MAPRE2: variants seen among roughly 807,000 people sequenced by gnomAD.
MAPRE2 encodes the protein microtubule associated protein RP/EB family member 2.
In MAPRE2, 13 loss-of-function variants were observed where a neutral mutation model predicts 43.2. The ratio of observed to expected loss-of-function variants is 0.30; its 90% CI spans 0.20 to 0.48. MAPRE2 has a LOEUF of 0.48. Ranked by LOEUF, MAPRE2 falls within the 20% of genes least tolerant of loss-of-function variation. The probability of loss-of-function intolerance (pLI) is 0.99; values close to 1 mark genes in which losing one functional copy is unlikely to be tolerated. For synonymous variants in MAPRE2, 135 were observed against 148.8 expected (o/e 0.91, Z 0.68); for missense variants, 161 against 400.2 (o/e 0.40, Z 5.10).
intron 2 of MAPRE2, among the ~76,000 whole-genome samples, chr18:35,077,229 A>T (rs939937771): frequency 8.8e-5 from 13 of 147,144 alleles, no homozygotes; most frequent in African/African-American, 2.8e-4. Flanking sequence ...TCTCTCACAG[A>T]TACGCGCGCG....
intron 2 of MAPRE2, among the ~76,000 whole-genome samples, chr18:35,083,181 C>G (rs1219430196): frequency 6.6e-6 from 1 of 152,110 alleles, no homozygotes; most frequent in African/African-American, 2.4e-5. Flanking sequence ...AAATTTAAGT[C>G]TTACCTTAAA....
chr18:35,100,737 A>G (rs530738655), intron 3 of MAPRE2, among the ~76,000 whole-genome samples: 50 of 152,288 alleles, frequency 3.3e-4, no homozygotes, highest in African/African-American at 1.2e-3. Context: ...TACATATTAC[A>G]AAGAAATTTA....
chr18:35,110,411 T>C lies in MAPRE2; in HGVS notation c.610+8252T>C, dbSNP rs10164059. Among the ~76,000 whole-genome samples the C allele has an allele frequency of 5.3e-3, 807 of 152,274 alleles. 6 individuals are homozygous for C. Among genetic ancestry groups the C allele is most frequent in the African/African-American group, 0.019 (790 of 41,584 alleles). On this transcript the variant is annotated intron_variant, in intron 4 of 6. Transcript: ENST00000300249. ...AAGTCAGTGGAGTTTTTTTACCTTT[T>C]TGATGTGGCTACTAGAAAACTTATG...
intron 1 of MAPRE2, 79 bp from the exon 2 acceptor site, chr18:35,070,116 G>T (rs1438941767): frequency 1.5e-6 from 2 of 1,322,164 alleles, no homozygotes; most frequent in African/African-American, 3.0e-5. Flanking sequence ...GTCCTGCCAG[G>T]ATCTTGACCT....
intron 2 of MAPRE2, among the ~76,000 whole-genome samples, chr18:35,031,162 C>A (rs908434336): frequency 6.6e-6 from 1 of 152,184 alleles, no homozygotes; most frequent in African/African-American, 2.4e-5. Flanking sequence ...CCTGACCCTA[C>A]CACATACACT....
At chr18:34,999,334 A>C (rs947506234) in intron 1 of MAPRE2, among the ~76,000 whole-genome samples, 141 of 152,330 alleles carry the variant, frequency 9.3e-4, no homozygotes, top group African/African-American at 3.2e-3. Context: ...GTTTTGTCTC[A>C]TGTAATTTTT....
At chr18:35,096,756 A>G (rs908099909) in intron 2 of MAPRE2, among the ~76,000 whole-genome samples, 3 of 152,012 alleles carry the variant, frequency 2.0e-5, no homozygotes, top group Non-Finnish European at 2.9e-5. Flanking sequence ...TATAAGTAAT[A>G]GGTAATAAGT....
At chr18:35,126,139 C>G (rs1185253991) in intron 4 of MAPRE2, among the ~76,000 whole-genome samples, 1 of 152,200 alleles carries the variant, frequency 6.6e-6, no homozygotes, top group Non-Finnish European at 1.5e-5. Context: ...TCTTCCCTCT[C>G]CCTCTCCCTG....
At chr18:35,087,991 G>A (rs1450679177) in intron 2 of MAPRE2, among the ~76,000 whole-genome samples, 1 of 152,098 alleles carries the variant, frequency 6.6e-6, no homozygotes, top group East Asian at 1.9e-4. Flanking sequence ...CTTTTATAAC[G>A]AATTGCTTTC....
intron 1 of MAPRE2, among the ~76,000 whole-genome samples, chr18:34,980,644 C>T (rs1332872070): frequency 2.0e-5 from 3 of 152,186 alleles, no homozygotes; most frequent in Admixed American, 2.0e-4. Context: ...TGTCACAATT[C>T]TTACTTGCTA....
chr18:35,075,588 A>G (rs146579802), intron 2 of MAPRE2, among the ~76,000 whole-genome samples: 11 of 152,270 alleles, frequency 7.2e-5, no homozygotes, highest in African/African-American at 2.6e-4. Flanking sequence ...TTATATTACT[A>G]TTGTTAGGGA....
chr18:35,072,579 T>C (rs1041134583), intron 2 of MAPRE2, among the ~76,000 whole-genome samples: 1 of 152,244 alleles, frequency 6.6e-6, no homozygotes, highest in African/African-American at 2.4e-5. Flanking sequence ...GAACAAATTG[T>C]AATTTTTAGA....
intron 2 of MAPRE2, among the ~76,000 whole-genome samples, chr18:35,081,359 G>A (rs954917324): frequency 6.6e-6 from 1 of 152,092 alleles, no homozygotes; most frequent in Non-Finnish European, 1.5e-5. Flanking sequence ...GATTAACCTG[G>A]GAAATATAAA....
At chr18:34,998,834 G>A (rs181842257) in intron 1 of MAPRE2, among the ~76,000 whole-genome samples, 5 of 117,170 alleles carry the variant, frequency 4.3e-5, no homozygotes, top group East Asian at 5.7e-4. Context: ...GGCCAAAAAT[G>A]TTAAAATATA....
intron 1 of MAPRE2, among the ~76,000 whole-genome samples, chr18:35,060,921 G>GT (rs971253575): frequency 1.0e-3 from 152 of 151,998 alleles, no homozygotes; most frequent in African/African-American, 3.5e-3. Flanking sequence ...TATTCTGTTG[G>GT]TTTTTTTTCT....
At chr18:35,138,829 C>T (rs1011744840) in intron 6 of MAPRE2, among the ~76,000 whole-genome samples, 2 of 152,124 alleles carry the variant, frequency 1.3e-5, no homozygotes, top group African/African-American at 2.4e-5. Context: ...GATGTGAACT[C>T]GAGTCCATGT....
chr18:35,030,594 G>T (rs556679672), intron 2 of MAPRE2, among the ~76,000 whole-genome samples: 4 of 152,306 alleles, frequency 2.6e-5, no homozygotes, highest in Admixed American at 1.3e-4. Flanking sequence ...TCATTGTTAA[G>T]CATAGCACTT....
chr18:35,086,253 A>G (rs1351110829), intron 2 of MAPRE2, among the ~76,000 whole-genome samples: 1 of 152,014 alleles, frequency 6.6e-6, no homozygotes, highest in African/African-American at 2.4e-5. Flanking sequence ...TTTGACACCA[A>G]TAAGATATAT....
At chr18:34,990,910 C>T (rs1003609659) in intron 1 of MAPRE2, among the ~76,000 whole-genome samples, 2 of 152,166 alleles carry the variant, frequency 1.3e-5, no homozygotes, top group Admixed American at 6.5e-5. Flanking sequence ...GGAGCTTTCG[C>T]TGTATTCATG....
Sources: gnomAD v4.1 joint callset for allele counts (sites outside exome capture counted in the v4.1 genomes callset) on GRCh38, gnomAD v4.1.1 for gene constraint, MANE v1.5 for transcripts, NCBI Gene and HGNC (gene_info 2026-07-23, HGNC 2026-07-21) for gene names.